Variants in ADAMTS19 observed in about 807,000 individuals in gnomAD.
The protein encoded by ADAMTS19 is ADAM metallopeptidase with thrombospondin type 1 motif 19, also known as A disintegrin and metalloproteinase with thrombospondin motifs 19.
ADAMTS19 carries 93 observed loss-of-function variants against 153.3 expected under a neutral mutation model. The ratio of observed to expected loss-of-function variants is 0.61; its 90% CI spans 0.51 to 0.72. The LOEUF (loss-of-function observed/expected upper bound fraction) is 0.72, where lower values mean the gene tolerates loss of function less well. Among genes scored for constraint, ADAMTS19 ranks in the 30% least tolerant of loss-of-function variants. ADAMTS19 has a pLI of 0.00. For missense variants in ADAMTS19, 1,482 were observed against 1,552.1 expected (o/e 0.95, Z 0.76); for synonymous variants, 600 against 556.6 (o/e 1.08, Z -1.10).
chr5:129,469,912 G>A (rs1169902035), intron 2 of ADAMTS19, among the ~76,000 whole-genome samples: 2 of 152,194 alleles, frequency 1.3e-5, no homozygotes, highest in Admixed American at 1.3e-4. Context: ...ACATGTGAGA[G>A]AAGTTTCTGG....
Position 129,461,882 on chromosome 5 carries a change from T to C in ADAMTS19, c.747+125T>C. 1 of 1,334,934 alleles carries C rather than the reference T, an allele frequency of 7.5e-7. No homozygotes were observed. The highest frequency in any genetic ancestry group is 3.0e-5 in the Admixed American group (1 of 33,530). 82.7% of individuals were successfully genotyped at this position (1,334,934 alleles called of 1,614,324 possible). On this transcript the variant is annotated intron_variant, in intron 2 of 22. Coordinates refer to ENST00000274487, the MANE Select transcript of ADAMTS19 (RefSeq NM_133638.6). This position sits in a 1 kb window ranked among gnomAD's most constrained non-coding sequence, Gnocchi z 4.6. Reference sequence around the variant, plus strand: ...GCTCCTTTTGAGCTTGGCCCTAGACTGCACCCCCAGGTGTCTACATCGTTT... The same window carrying C: ...GCTCCTTTTGAGCTTGGCCCTAGACCGCACCCCCAGGTGTCTACATCGTTT...
At chr5:129,607,914 T>C (rs1187577732) in intron 8 of ADAMTS19, among the ~76,000 whole-genome samples, 1 of 151,000 alleles carries the variant, frequency 6.6e-6, no homozygotes, top group Non-Finnish European at 1.5e-5. Flanking sequence ...AAGATGGATG[T>C]ATAAAGAAAA....
At chr5:129,704,596 T>A (rs1756060067) in intron 21 of ADAMTS19, among the ~76,000 whole-genome samples, 1 of 152,126 alleles carries the variant, frequency 6.6e-6, no homozygotes, top group Non-Finnish European at 1.5e-5. Context: ...TACAAAGCAC[T>A]TAGCACCATA....
At chr5:129,619,940 G>A (rs1422501516) in intron 8 of ADAMTS19, among the ~76,000 whole-genome samples, 1 of 151,934 alleles carries the variant, frequency 6.6e-6, no homozygotes, top group Non-Finnish European at 1.5e-5. Context: ...TAAAAAGAGA[G>A]CAAGAGAAAA....
intron 6 of ADAMTS19, among the ~76,000 whole-genome samples, chr5:129,543,133 T>C (rs1752719102): frequency 6.7e-6 from 1 of 149,550 alleles, no homozygotes; most frequent in Admixed American, 6.7e-5. Flanking sequence ...CACCACAACC[T>C]CCGCCTCCCA....
Position 129,490,016 on chromosome 5 carries a change from T to C in ADAMTS19, c.748-19061T>C, listed in dbSNP as rs1750716261. On this transcript the variant is annotated intron_variant, in intron 2 of 22. Transcript: ENST00000274487. ...GGTACTTTGGAATTAATTAAATTAA[T>C]GCAGAATAGTAAATTTAATTAACCC... 3.9e-5 allele frequency among the ~76,000 whole-genome samples: 6 copies of C among 152,354 alleles called. No individual in the cohort carries two copies. In the South Asian group the frequency reaches 8.3e-4, roughly 21 times the overall value.
chr5:129,634,887 A>C (rs1357604288), intron 10 of ADAMTS19, among the ~76,000 whole-genome samples: 3 of 145,048 alleles, frequency 2.1e-5, no homozygotes, highest in Non-Finnish European at 4.5e-5. Flanking sequence ...CAAAAGCAAA[A>C]TAAAAGAGAG....
At chr5:129,728,981 A>G (rs1757323193) in intron 21 of ADAMTS19, among the ~76,000 whole-genome samples, 1 of 152,152 alleles carries the variant, frequency 6.6e-6, no homozygotes, top group African/African-American at 2.4e-5. Flanking sequence ...CAAAGTGGAT[A>G]ATAGTTAATG....
intron 21 of ADAMTS19, among the ~76,000 whole-genome samples, chr5:129,706,576 A>G (rs1756166248): frequency 6.6e-6 from 1 of 152,200 alleles, no homozygotes; most frequent in Non-Finnish European, 1.5e-5. Context: ...AAAAAAAAAA[A>G]AAATGAAAAA....
At chr5:129,567,132 C>T (rs2126855579) in intron 7 of ADAMTS19, among the ~76,000 whole-genome samples, 1 of 152,160 alleles carries the variant, frequency 6.6e-6, no homozygotes, top group African/African-American at 2.4e-5. Context: ...AGAGCTATTA[C>T]AATAGCAATG....
At chr5:129,541,035 T>G (rs1349974595) in intron 6 of ADAMTS19, among the ~76,000 whole-genome samples, 1 of 152,072 alleles carries the variant, frequency 6.6e-6, no homozygotes, top group Non-Finnish European at 1.5e-5. Flanking sequence ...ATTACTTTGG[T>G]CTTCTGCAAA....
chr5:129,475,163 C>A (rs1427184024), intron 2 of ADAMTS19, among the ~76,000 whole-genome samples: 2 of 151,466 alleles, frequency 1.3e-5, no homozygotes, highest in Non-Finnish European at 2.9e-5. Context: ...CAGTGTCTAA[C>A]CCAAAGTCAC....
intron 3 of ADAMTS19, among the ~76,000 whole-genome samples, chr5:129,514,192 A>G (rs573069019): frequency 5.3e-5 from 8 of 152,170 alleles, no homozygotes; most frequent in African/African-American, 1.9e-4. Context: ...TCATCTGCTG[A>G]TGGACACTTG....
chr5:129,664,034 C>T (rs1345359287), intron 15 of ADAMTS19, among the ~76,000 whole-genome samples: 2 of 152,030 alleles, frequency 1.3e-5, no homozygotes, highest in African/African-American at 4.8e-5. Flanking sequence ...GTTGTTCTCT[C>T]CTTTGAATCA....
At chr5:129,495,276 C>A (rs1750892400) in intron 2 of ADAMTS19, among the ~76,000 whole-genome samples, 1 of 152,058 alleles carries the variant, frequency 6.6e-6, no homozygotes, top group African/African-American at 2.4e-5. Flanking sequence ...TATTTCAACG[C>A]ATTCTTCATT....
chr5:129,681,814 C>G (rs966656538), intron 17 of ADAMTS19, among the ~76,000 whole-genome samples: 12 of 152,108 alleles, frequency 7.9e-5, no homozygotes, highest in African/African-American at 2.2e-4. Flanking sequence ...CAGCTGGAAA[C>G]CCTACTCTCT....
At chr5:129,546,022 G>T (rs1021655646) in intron 6 of ADAMTS19, among the ~76,000 whole-genome samples, 13 of 148,984 alleles carry the variant, frequency 8.7e-5, no homozygotes, top group Non-Finnish European at 1.5e-4. Flanking sequence ...TTAAGAGAAT[G>T]TGGCACATAT....
chr5:129,522,630 A>T (rs1036558491), intron 3 of ADAMTS19, among the ~76,000 whole-genome samples: 12 of 152,010 alleles, frequency 7.9e-5, no homozygotes, highest in African/African-American at 2.9e-4. Flanking sequence ...AAAAATGAGA[A>T]ACAGTAACTT....
chr5:129,664,326 A>ACTT (rs917544183), intron 15 of ADAMTS19, among the ~76,000 whole-genome samples: 4 of 152,236 alleles, frequency 2.6e-5, no homozygotes, highest in Admixed American at 6.5e-5. Context: ...ATCTTACCTG[A>ACTT]CTTCTGTGTG....
Sources: gnomAD v4.1 joint callset for allele counts (sites outside exome capture counted in the v4.1 genomes callset) on GRCh38, gnomAD v4.1.1 for gene constraint, Gnocchi (gnomAD v3.1) non-coding constraint, MANE v1.5 for transcripts, NCBI Gene and HGNC (gene_info 2026-07-23, HGNC 2026-07-21) for gene names.